The following SPI1 variants were observed in gnomAD, a reference collection of about 807,000 sequenced individuals.
SPI1 encodes the protein Spi-1 proto-oncogene.
In SPI1, 3 loss-of-function variants were observed where a neutral mutation model predicts 30.7. That is an observed-to-expected ratio of 0.10 (90% CI 0.04 to 0.25). The LOEUF is 0.25. Among genes scored for constraint, SPI1 ranks in the 10% least tolerant of loss-of-function variants. The pLI is 1.00. For missense variants in SPI1, 261 were observed against 371.5 expected, an observed-to-expected ratio of 0.70 and a Z score of 2.45; for synonymous variants, 169 against 157.1, an observed-to-expected ratio of 1.08 and a Z score of -0.56.
intron 4 of SPI1, 143 bp from the exon 5 acceptor site, chr11:47,355,689 A>G (rs1437567142): frequency 3.1e-6 from 2 of 650,268 alleles, no homozygotes; most frequent in East Asian, 5.6e-5. Context: ...CCGGGCGTGC[A>G]TACACAACGC....
rs1227871297 is a variant in SPI1 at position 47,375,807 on chromosome 11, G to GTCCCCATCACCTTCCCTGGC, written c.46-98_46-79dup. 3 of 1,123,462 alleles carry GTCCCCATCACCTTCCCTGGC rather than the reference G, an allele frequency of 2.7e-6. No homozygotes were observed. The highest frequency in any genetic ancestry group is 4.1e-6 in the Non-Finnish European group (3 of 734,918). The allele number at this position is 1,123,462 out of a possible 1,614,324, so 69.6% of individuals were successfully genotyped here. A position where few individuals can be genotyped will look rare whatever the true frequency, so the allele number is the denominator to read the frequency against. On this transcript the variant is annotated intron_variant, in intron 1 of 4. Transcript: ENST00000378538. The surrounding 1 kb of genome is among the most constrained non-coding windows in gnomAD (Gnocchi z 4.2). ...GGCCTGCAGCACCCCCGCACGCTGG[G>GTCCCCATCACCTTCCCTGGC]TCCCCATCACCTTCCCTGGCTCAGT...
intron 4 of SPI1, among the ~76,000 whole-genome samples, chr11:47,356,743 ACT>A (rs2095910410): frequency 6.7e-6 from 1 of 149,598 alleles, no homozygotes; most frequent in Admixed American, 6.7e-5. Context: ...CACACCATTC[ACT>A]CACACATATC....
intron 2 of SPI1, among the ~76,000 whole-genome samples, chr11:47,365,326 C>T (rs1253252528): frequency 6.6e-6 from 1 of 152,194 alleles, no homozygotes; most frequent in Non-Finnish European, 1.5e-5. Flanking sequence ...ACCCTCATTT[C>T]TACAGACCGG....
intron 1 of SPI1, among the ~76,000 whole-genome samples, chr11:47,377,875 CAAGGCCATGGGCCAAGACTTCT>C (rs1278658551): frequency 6.6e-6 from 1 of 152,226 alleles, no homozygotes; most frequent in Non-Finnish European, 1.5e-5. Flanking sequence ...CCAGGAGCCC[CAAGGCCATGGGCCAAGACTTCT>C]GCCCATTGCC....
At chr11:47,365,528 A>G (rs543463958) in intron 2 of SPI1, among the ~76,000 whole-genome samples, 12 of 152,190 alleles carry the variant, frequency 7.9e-5, no homozygotes, top group Non-Finnish European at 1.6e-4. Flanking sequence ...GGAGGAATCT[A>G]TGGCTCAGAG....
At chr11:47,356,873 A>C (rs1419332932) in intron 4 of SPI1, among the ~76,000 whole-genome samples, 2 of 138,398 alleles carry the variant, frequency 1.4e-5, no homozygotes, top group Admixed American at 1.5e-4. Context: ...CACATCTCAC[A>C]TTACTCAGCT....
At position 47,355,345 on chromosome 11, in the gene SPI1, A is replaced by C; in HGVS notation, c.695T>G (p.Leu232Arg). 6.2e-7 allele frequency: 1 copy of C among 1,613,276 alleles called. No homozygotes were observed. Among genetic ancestry groups the C allele is most frequent in the Non-Finnish European group, 8.5e-7 (1 of 1,179,574 alleles). Residue 232 changes from leucine to arginine, a missense_variant, in exon 5 of 5, where the codon CTG (leucine) becomes CGG (arginine). By Grantham distance (102) the Leu-to-Arg change is moderately radical. Around this residue, in one of 5 missense-constraint regions of SPI1, gnomAD observed 43 missense variants for 123.8 expected, o/e 0.35. Transcript: ENST00000378538. Reference sequence around the variant, plus strand: ...CTCGCCCGTCTTGCCGTAGTTGCGCAGCGCGCGCGCCATCTTCTGGTAGGT... The same window carrying C: ...CTCGCCCGTCTTGCCGTAGTTGCGCCGCGCGCGCGCCATCTTCTGGTAGGT... ...KMTYQKMARALRNYGKTGEVK... is the reference protein window; with the variant it reads ...KMTYQKMARARRNYGKTGEVK...
In SPI1 at chr11:47,375,555, T is replaced by G; in HGVS notation, c.142+78A>C. ...AATTCCAAAGAAGTCCTGGGAATCA[T>G]TTATTCTTTTTCTCTCTCCAGACCC... On this transcript the variant is annotated intron_variant, in intron 2 of 4. Coordinates refer to ENST00000378538, the MANE Select transcript of SPI1 (RefSeq NM_003120.3). The surrounding 1 kb of genome is among the most constrained non-coding windows in gnomAD (Gnocchi z 4.2). 5.4e-6 allele frequency: 6 copies of G among 1,115,828 alleles called. No individual in the cohort carries two copies. Among genetic ancestry groups the G allele is most frequent in the Non-Finnish European group, 8.1e-6 (6 of 738,124 alleles). 69.1% of individuals were successfully genotyped at this position (1,115,828 alleles called of 1,614,324 possible). A position where few individuals can be genotyped will look rare whatever the true frequency, so the allele number is the denominator to read the frequency against.
rs2095906518 is a variant in SPI1, at chr11:47,355,386, G to C, written c.654C>G (p.Gly218=). The C allele has an allele frequency of 6.8e-6, 11 of 1,613,872 alleles. No individual in the cohort carries two copies. In the East Asian group the frequency reaches 2.5e-4, roughly 36 times the overall value. ...TCTGGTAGGTCATCTTCTTGCGGTT[G>C]CCCTTCTGGATGCCCCAGCGGTGCG... ...ALAHRWGIQK[G]NRKKMTYQKM... is the part of the protein sequence containing the mutation. The change falls in exon 5 of 5, where the codon GGC becomes GGG. Residue 218 remains glycine (G), a synonymous_variant. Coordinates refer to ENST00000378538, the MANE Select transcript of SPI1 (RefSeq NM_003120.3).
chr11:47,363,115 G>C (rs928863984), intron 2 of SPI1, among the ~76,000 whole-genome samples: 2 of 152,210 alleles, frequency 1.3e-5, no homozygotes, highest in Non-Finnish European at 1.5e-5. Flanking sequence ...GGCACCATGA[G>C]GGCAGGGACT....
At chr11:47,377,343 C>G (rs1565646227) in intron 1 of SPI1, among the ~76,000 whole-genome samples, 1 of 152,126 alleles carries the variant, frequency 6.6e-6, no homozygotes, top group Non-Finnish European at 1.5e-5. Flanking sequence ...AGGTGGGCAG[C>G]CTGCCAAGCC....
At chr11:47,357,302 G>A (rs563528853) in intron 4 of SPI1, among the ~76,000 whole-genome samples, 237 of 149,790 alleles carry the variant, frequency 1.6e-3, no homozygotes, top group Middle Eastern at 3.6e-3. Context: ...TCACTCACAC[G>A]CTCACACCAG....
intron 1 of SPI1, among the ~76,000 whole-genome samples, chr11:47,376,654 A>C (rs1449186347): frequency 1.2e-4 from 13 of 112,810 alleles, no homozygotes; most frequent in South Asian, 5.3e-4. Context: ...CTTTCCTCCC[A>C]CCTTCCTCCC....
intron 1 of SPI1, among the ~76,000 whole-genome samples, chr11:47,376,095 A>G (rs1002886323): frequency 6.6e-6 from 1 of 151,718 alleles, no homozygotes; most frequent in Non-Finnish European, 1.5e-5. Context: ...TGTCACCCTC[A>G]CACTCATAAT....
At chr11:47,371,900 T>A (rs571494771) in intron 2 of SPI1, among the ~76,000 whole-genome samples, 53 of 152,260 alleles carry the variant, frequency 3.5e-4, no homozygotes, top group Non-Finnish European at 6.8e-4. Flanking sequence ...TCTCTGGTCC[T>A]CTGTCAGGGT....
In SPI1 at chr11:47,370,522, C is replaced by T. The variant is rs186488303; in HGVS notation, c.142+5111G>A. Among the ~76,000 whole-genome samples the T allele has an allele frequency of 1.5e-4, 22 of 149,076 alleles. No homozygotes were observed. The East Asian group carries it at 4.0e-3, about 27-fold the overall frequency. On this transcript the variant is annotated intron_variant, in intron 2 of 4. Transcript: ENST00000378538. ...TTCAAGACTAGCCTGGCCAACATGG[C>T]GAAACCCCATCTCTACTAAAAATAC...
intron 1 of SPI1, among the ~76,000 whole-genome samples, chr11:47,377,999 C>T (rs1330268266): frequency 6.6e-6 from 1 of 152,222 alleles, no homozygotes; most frequent in Non-Finnish European, 1.5e-5. Flanking sequence ...ACCGCCTTCA[C>T]CATCCTCAGC....
chr11:47,378,245 G>A (rs902512447), intron 1 of SPI1, 64 bp downstream of exon 1: 49 of 1,555,586 alleles, frequency 3.1e-5, no homozygotes, highest in Non-Finnish European at 4.0e-5. Context: ...TGGCGGGTTC[G>A]TGGGCAGGCA....
Position 47,356,165 on chromosome 11 carries a change from CTG to C in SPI1, c.494-621_494-620del, listed in dbSNP as rs540535119. ...TCACACCCACATCTGCCCTCACACA[CTG>C]TCACTTTCTCACACACCCACACAAT... On this transcript the variant is annotated intron_variant, in intron 4 of 4. Transcript: ENST00000378538. Among the ~76,000 whole-genome samples, 420 of 151,752 alleles carry C rather than the reference CTG, an allele frequency of 2.8e-3. 1 individual carries two copies. Among genetic ancestry groups the C allele is most frequent in the Admixed American group, 6.7e-3 (103 of 15,262 alleles).
Sources: gnomAD v4.1 joint callset for allele counts (sites outside exome capture counted in the v4.1 genomes callset) on GRCh38, gnomAD v4.1.1 for gene constraint, gnomAD v4.1.1 regional missense constraint, Gnocchi (gnomAD v3.1) non-coding constraint, MANE v1.5 for transcripts, NCBI Gene and HGNC (gene_info 2026-07-23, HGNC 2026-07-21) for gene names.